Variants in ASIC2 observed in about 807,000 individuals in gnomAD.
The protein encoded by ASIC2 is acid sensing ion channel subunit 2.
ASIC2 carries 25 observed loss-of-function variants against 57.3 expected under a neutral mutation model. The ratio of observed to expected loss-of-function variants is 0.44; its 90% CI spans 0.32 to 0.61. The LOEUF is 0.61. Ranked by LOEUF, ASIC2 falls within the 20% of genes least tolerant of loss-of-function variation. The pLI, the probability that ASIC2 is intolerant of heterozygous loss-of-function variation, is 0.06. For missense variants in ASIC2, 641 were observed against 738.1 expected (o/e 0.87, Z 1.52); for synonymous variants, 319 against 307.5 (o/e 1.04, Z -0.39).
chr17:34,034,923 A>C (rs1907804377), intron 1 of ASIC2, among the ~76,000 whole-genome samples: 1 of 152,248 alleles, frequency 6.6e-6, no homozygotes, highest in South Asian at 2.1e-4. Context: ...ATATCATGAA[A>C]ATGGCCATAC....
intron 1 of ASIC2, among the ~76,000 whole-genome samples, chr17:33,969,322 G>A (rs1464237396): frequency 6.6e-6 from 1 of 152,114 alleles, no homozygotes; most frequent in East Asian, 1.9e-4. Flanking sequence ...TAAATGTTGT[G>A]GGCTGACAAA....
At chr17:33,686,711 G>A (rs1908206152) in intron 1 of ASIC2, among the ~76,000 whole-genome samples, 3 of 152,308 alleles carry the variant, frequency 2.0e-5, no homozygotes, top group South Asian at 4.1e-4. Context: ...CCTGGAATTG[G>A]CCTTGTCCTG....
chr17:33,107,921 A>G lies in ASIC2; in HGVS notation c.859+3996T>C, dbSNP rs533160743. On this transcript the variant is annotated intron_variant, in intron 2 of 9. Coordinates refer to ENST00000225823, the MANE Select transcript of ASIC2 (RefSeq NM_183377.2). ...CTGCTTTGAGCAGAATGGGAGTTCC[A>G]GATGTTGAGGTGCTGCAGAGCTCTG... Among the ~76,000 whole-genome samples the G allele has an allele frequency of 2.6e-4, 39 of 152,306 alleles. No individual in the cohort carries two copies. The South Asian group carries it at 4.6e-3, about 18-fold the overall frequency.
intron 1 of ASIC2, among the ~76,000 whole-genome samples, chr17:33,808,399 C>T (rs181124717): frequency 2.6e-5 from 4 of 152,310 alleles, no homozygotes; most frequent in Admixed American, 1.3e-4. Flanking sequence ...TATTCTTTTG[C>T]CAATACCACA....
chr17:33,255,403 G>A (rs977683033), intron 1 of ASIC2, among the ~76,000 whole-genome samples: 1 of 151,840 alleles, frequency 6.6e-6, no homozygotes, highest in Non-Finnish European at 1.5e-5. Context: ...AAAGAGAGTG[G>A]TTAGATCTCT....
rs188226827 is a variant in ASIC2, at chr17:33,490,036, C to T, written c.556-377969G>A. Among the ~76,000 whole-genome samples the T allele has an allele frequency of 8.5e-5, 13 of 152,330 alleles. No homozygotes were observed. The East Asian group carries it at 1.2e-3, about 14-fold the overall frequency. On this transcript the variant is annotated intron_variant, in intron 1 of 9. Coordinates refer to the ASIC2 transcript ENST00000359872. ...ATATAGTTGCAACACAATGAATAGACAATTTTGTGTTTTGCTTTTATCATT... is the reference window on the plus strand; with the variant it reads ...ATATAGTTGCAACACAATGAATAGATAATTTTGTGTTTTGCTTTTATCATT...
intron 1 of ASIC2, chr17:34,040,000 G>A (rs1908051667): frequency 4.8e-6 from 3 of 623,300 alleles, no homozygotes; most frequent in Admixed American, 8.5e-5. Context: ...TCTCCTGAGC[G>A]CCGCAACCCC....
chr17:33,802,379 T>C (rs984102525), intron 1 of ASIC2, among the ~76,000 whole-genome samples: 13 of 152,218 alleles, frequency 8.5e-5, no homozygotes, highest in Non-Finnish European at 1.6e-4. Flanking sequence ...CGCCCAATGA[T>C]ACATTTCTCA....
At chr17:33,193,547 C>A (rs1311608816) in intron 1 of ASIC2, among the ~76,000 whole-genome samples, 2 of 152,182 alleles carry the variant, frequency 1.3e-5, no homozygotes, top group East Asian at 3.8e-4. Context: ...ACCCACCATG[C>A]AGAAGGCTGG....
chr17:33,807,740 C>T (rs1912309147), intron 1 of ASIC2, among the ~76,000 whole-genome samples: 1 of 152,240 alleles, frequency 6.6e-6, no homozygotes, highest in African/African-American at 2.4e-5. Context: ...ATGTAACTCC[C>T]TCACTCAAAC....
intron 1 of ASIC2, among the ~76,000 whole-genome samples, chr17:33,959,163 GT>G (rs1904839036): frequency 6.6e-6 from 1 of 152,120 alleles, no homozygotes; most frequent in Non-Finnish European, 1.5e-5. Flanking sequence ...ACATTTTCAT[GT>G]CTTCTGAGCC....
intron 1 of ASIC2, among the ~76,000 whole-genome samples, chr17:34,101,631 A>G (rs1354849714): frequency 2.0e-5 from 3 of 152,216 alleles, no homozygotes; most frequent in African/African-American, 4.8e-5. Flanking sequence ...AGGAACCACC[A>G]ATCTCAAATC....
Position 33,900,579 on chromosome 17 carries a change from A to G in ASIC2, c.555+255399T>C, listed in dbSNP as rs574905715. On this transcript the variant is annotated intron_variant, in intron 1 of 9. Transcript: ENST00000359872. ...AGTAAAAAAAAATTTTTTAATCTCT[A>G]TTAGATTATTCATCAGCCTAGTGAT... is the stretch of plus-strand genomic sequence containing the variant. Among the ~76,000 whole-genome samples, 6 of 151,966 alleles carry G rather than the reference A, an allele frequency of 3.9e-5. No individual in the cohort carries two copies. The East Asian group carries it at 1.2e-3, about 29-fold the overall frequency.
At chr17:33,048,437 C>T (rs1000538685) in intron 3 of ASIC2, among the ~76,000 whole-genome samples, 1 of 152,166 alleles carries the variant, frequency 6.6e-6, no homozygotes, top group Non-Finnish European at 1.5e-5. Flanking sequence ...GGATGGCCAG[C>T]GAGCTCACAC....
intron 1 of ASIC2, among the ~76,000 whole-genome samples, chr17:33,644,567 A>G (rs1906682740): frequency 6.6e-6 from 1 of 152,242 alleles, no homozygotes; most frequent in African/African-American, 2.4e-5. Flanking sequence ...TGTCTCACAG[A>G]AACATAACCT....
At chr17:33,782,557 T>C (rs2142129742) in intron 1 of ASIC2, among the ~76,000 whole-genome samples, 1 of 152,146 alleles carries the variant, frequency 6.6e-6, no homozygotes, top group African/African-American at 2.4e-5. Context: ...CGAAACCTTG[T>C]CTCTACTAAA....
intron 1 of ASIC2, among the ~76,000 whole-genome samples, chr17:33,966,644 G>A (rs1189409439): frequency 6.6e-6 from 1 of 152,166 alleles, no homozygotes; most frequent in African/African-American, 2.4e-5. Context: ...CATCAACACT[G>A]TGGGTCGGAT....
intron 1 of ASIC2, chr17:34,038,269 T>C: frequency 6.2e-7 from 1 of 1,610,568 alleles, no homozygotes. Flanking sequence ...ATTTGTGCTG[T>C]TTCAGGTAGA....
chr17:33,228,863 G>A (rs1450754267), intron 1 of ASIC2, among the ~76,000 whole-genome samples: 2 of 152,222 alleles, frequency 1.3e-5, no homozygotes, highest in East Asian at 3.9e-4. Context: ...ACACAAAGGT[G>A]GCACACCTGC....
Sources: gnomAD v4.1 joint callset for allele counts (sites outside exome capture counted in the v4.1 genomes callset) on GRCh38, gnomAD v4.1.1 for gene constraint, MANE v1.5 for transcripts, NCBI Gene and HGNC (gene_info 2026-07-23, HGNC 2026-07-21) for gene names.